The following MYO3B variants were observed in gnomAD, a reference collection of about 807,000 sequenced individuals.
The protein encoded by MYO3B is myosin-IIIb.
A neutral mutation model predicts 174.6 loss-of-function variants in MYO3B; 156 were observed. The ratio of observed to expected loss-of-function variants is 0.89; its 90% CI spans 0.78 to 1.02. The LOEUF (loss-of-function observed/expected upper bound fraction) is 1.02, where lower values mean the gene tolerates loss of function less well. MYO3B is among the 50% of genes least tolerant of loss of function. The pLI, the probability that MYO3B is intolerant of heterozygous loss-of-function variation, is 0.00. For synonymous variants in MYO3B, 563 were observed against 569.1 expected (o/e 0.99, Z 0.15); for missense variants, 1,632 against 1,639.4 (o/e 1.00, Z 0.08).
At chr2:170,322,057 T>C (rs1242275206) in intron 7 of MYO3B, among the ~76,000 whole-genome samples, 1 of 143,070 alleles carries the variant, frequency 7.0e-6, no homozygotes, top group Non-Finnish European at 1.5e-5. Flanking sequence ...GAGGTTGCAG[T>C]GAGCCAAGAT....
intron 32 of MYO3B, among the ~76,000 whole-genome samples, chr2:170,614,705 G>A (rs1695334590): frequency 6.6e-6 from 1 of 152,162 alleles, no homozygotes; most frequent in Non-Finnish European, 1.5e-5. Context: ...CCAAAGCCCA[G>A]CATCTATAGC....
intron 25 of MYO3B, among the ~76,000 whole-genome samples, chr2:170,494,722 C>A (rs1438780045): frequency 1.6e-5 from 1 of 61,270 alleles, no homozygotes; most frequent in African/African-American, 7.8e-5. Context: ...AGTTAAACTG[C>A]GTCTCAAAAA....
intron 25 of MYO3B, among the ~76,000 whole-genome samples, chr2:170,470,212 C>A (rs948765523): frequency 6.7e-6 from 1 of 149,968 alleles, no homozygotes; most frequent in African/African-American, 2.5e-5. Context: ...TAGAACATTT[C>A]ATTACCTAAA....
At chr2:170,344,676 AC>A (rs2094003362) in intron 8 of MYO3B, 1 of 152,156 alleles carries the variant, frequency 6.6e-6, no homozygotes, top group African/African-American at 2.4e-5. Context: ...GCATCATGCT[AC>A]TTTATAGTGT....
chr2:170,504,249 T>G (rs1348126031), intron 28 of MYO3B, among the ~76,000 whole-genome samples: 2 of 152,348 alleles, frequency 1.3e-5, no homozygotes, highest in East Asian at 3.9e-4. Context: ...ACAAATCATT[T>G]CATTTGAAAT....
intron 22 of MYO3B, among the ~76,000 whole-genome samples, chr2:170,443,300 G>A (rs965299651): frequency 1.3e-5 from 2 of 152,162 alleles, no homozygotes; most frequent in African/African-American, 4.8e-5. Flanking sequence ...CTTCTTTTGA[G>A]AAGTGTCTGT....
intron 30 of MYO3B, among the ~76,000 whole-genome samples, chr2:170,529,776 G>T (rs901740952): frequency 1.3e-5 from 2 of 152,126 alleles, no homozygotes; most frequent in African/African-American, 4.8e-5. Context: ...ACAAAATTTT[G>T]TAAAAATGAA....
chr2:170,647,702 TATTAAA>T (rs1341173011), intron 32 of MYO3B, among the ~76,000 whole-genome samples: 1 of 152,092 alleles, frequency 6.6e-6, no homozygotes, highest in African/African-American at 2.4e-5. Context: ...ATGGGAGAAA[TATTAAA>T]ATTAAGAACA....
intron 25 of MYO3B, among the ~76,000 whole-genome samples, chr2:170,479,208 C>T (rs1454341312): frequency 2.0e-5 from 3 of 150,304 alleles, no homozygotes; most frequent in Non-Finnish European, 4.4e-5. Context: ...TGCTTGAACC[C>T]GGGAAGCGGA....
chr2:170,481,626 A>T (rs1286882175), intron 25 of MYO3B, among the ~76,000 whole-genome samples: 1 of 152,210 alleles, frequency 6.6e-6, no homozygotes, highest in African/African-American at 2.4e-5. Flanking sequence ...CATGAAAATT[A>T]ACTTACATGG....
chr2:170,439,527 T>C (rs984481411), intron 22 of MYO3B, among the ~76,000 whole-genome samples: 2 of 152,202 alleles, frequency 1.3e-5, no homozygotes, highest in Admixed American at 1.3e-4. Context: ...AATTCGTTGA[T>C]TGTTTCCTTG....
chr2:170,537,985 G>A lies in MYO3B; in HGVS notation c.3576-4921G>A, dbSNP rs1689836976. The stretch of plus-strand genomic sequence containing the variant: ...AATGGATATCTCAGTTTCTCTCCAA[G>A]CCATTCTAACTTATAATTGATAAAA... On this transcript the variant is annotated intron_variant, in intron 30 of 34. Coordinates refer to ENST00000408978, the MANE Select transcript of MYO3B (RefSeq NM_138995.5). Among the ~76,000 whole-genome samples, 5 of 152,268 alleles carry A rather than the reference G, an allele frequency of 3.3e-5. No individual in the cohort carries two copies. In the South Asian group the frequency reaches 1.0e-3, roughly 32 times the overall value.
intron 32 of MYO3B, among the ~76,000 whole-genome samples, chr2:170,577,636 C>T (rs551407589): frequency 6.7e-4 from 102 of 152,284 alleles, no homozygotes; most frequent in African/African-American, 2.3e-3. Context: ...GACAGTGGGT[C>T]TCCACTCCCC....
chr2:170,453,797 C>T (rs1296167847), intron 23 of MYO3B, among the ~76,000 whole-genome samples: 1 of 152,216 alleles, frequency 6.6e-6, no homozygotes, highest in Non-Finnish European at 1.5e-5. Context: ...CACTAGTCAC[C>T]TCATTCCACA....
chr2:170,282,648 A>G (rs906499849), intron 7 of MYO3B, among the ~76,000 whole-genome samples: 2 of 151,902 alleles, frequency 1.3e-5, no homozygotes, highest in African/African-American at 2.4e-5. Flanking sequence ...GAAAAATGTC[A>G]TCATATTTTA....
chr2:170,351,011 G>A (rs1162811135), intron 8 of MYO3B: 3 of 151,594 alleles, frequency 2.0e-5, no homozygotes, highest in African/African-American at 7.3e-5. Context: ...AAGGAAGGGA[G>A]AAAAGAAAAA....
chr2:170,527,472 AG>A (rs1689077505), intron 30 of MYO3B, among the ~76,000 whole-genome samples: 2 of 152,236 alleles, frequency 1.3e-5, no homozygotes, highest in African/African-American at 4.8e-5. Context: ...GACTTCTGAT[AG>A]CTCTTAAAAA....
Position 170,405,554 on chromosome 2 carries a change from A to G in MYO3B, c.2441A>G (p.Glu814Gly). Residue 814 changes from glutamate to glycine, a missense_variant, in exon 21 of 35, where the codon GAA (glutamate) becomes GGA (glycine). Transcript: ENST00000408978. ...ATDQTLVDKF[E>G]DNLRCKYFWR... ...ATAAAAATCCACACAGATAAATTTG[A>G]AGATAATCTACGATGCAAATACTTC... 2 of 1,614,122 alleles carry G rather than the reference A, an allele frequency of 1.2e-6. No individual in the cohort carries two copies. The highest frequency in any genetic ancestry group is 1.7e-6 in the Non-Finnish European group (2 of 1,179,964).
chr2:170,563,335 G>T (rs1227178978), intron 32 of MYO3B, among the ~76,000 whole-genome samples: 1 of 152,142 alleles, frequency 6.6e-6, no homozygotes, highest in East Asian at 1.9e-4. Flanking sequence ...CCACATACAC[G>T]TAAAGGAGCA....
Sources: gnomAD v4.1 joint callset for allele counts (sites outside exome capture counted in the v4.1 genomes callset) on GRCh38, gnomAD v4.1.1 for gene constraint, MANE v1.5 for transcripts, NCBI Gene and HGNC (gene_info 2026-07-23, HGNC 2026-07-21) for gene names.